TTBK2: variants seen among roughly 807,000 people sequenced by gnomAD.
TTBK2 encodes the protein tau tubulin kinase 2, also known as tau-tubulin kinase 2.
TTBK2 carries 28 observed loss-of-function variants against 110.8 expected under a neutral mutation model. That is an observed-to-expected ratio of 0.25 (90% confidence interval 0.19 to 0.35). The LOEUF (loss-of-function observed/expected upper bound fraction) is 0.35. TTBK2 is among the 10% of genes least tolerant of loss of function. The pLI is 1.00. For missense variants in TTBK2, 1,369 were observed against 1,500.3 expected, an observed-to-expected ratio of 0.91 and a Z score of 1.45; for synonymous variants, 532 against 527.3, an observed-to-expected ratio of 1.01 and a Z score of -0.12.
chr15:42,828,586 G>A (rs371248572), intron 5 of TTBK2, among the ~76,000 whole-genome samples: 1 of 151,742 alleles, frequency 6.6e-6, no homozygotes, highest in African/African-American at 2.4e-5. Flanking sequence ...AACCGGGTGC[G>A]GTGGCGCGCG....
chr15:42,776,946 G>T, intron 12 of TTBK2, 85 bp downstream of exon 12: 3 of 1,435,786 alleles, frequency 2.1e-6, no homozygotes, highest in Non-Finnish European at 2.9e-6. Context: ...TTATGTAACA[G>T]AAATATACAA....
chr15:42,887,105 A>G (rs573735520), intron 1 of TTBK2, among the ~76,000 whole-genome samples: 1 of 152,288 alleles, frequency 6.6e-6, no homozygotes, highest in South Asian at 2.1e-4. Flanking sequence ...CCTTGCCTTC[A>G]TAAGTGTTGT....
rs555495106 is a variant in TTBK2 at position 42,747,631 on chromosome 15, C to T, written c.3273-1374G>A. ...ATGCCACTGCTGATCTGATAGGAGG[C>T]GGAGCTCAGGCGGTAATGCCTCCTG... On this transcript the variant is annotated intron_variant, in intron 14 of 14. Coordinates refer to ENST00000267890, the MANE Select transcript of TTBK2 (RefSeq NM_173500.4). Among the ~76,000 whole-genome samples, 166 of 152,296 alleles carry T rather than the reference C, an allele frequency of 1.1e-3. 3 individuals carry two copies. The highest frequency in any genetic ancestry group is 1.6e-4 in the Non-Finnish European group (11 of 68,030).
intron 13 of TTBK2, among the ~76,000 whole-genome samples, chr15:42,767,001 A>G (rs1393148406): frequency 3.3e-5 from 5 of 152,224 alleles, no homozygotes; most frequent in African/African-American, 1.2e-4. Flanking sequence ...GCACAACTAC[A>G]TGGAAACTGA....
At chr15:42,812,829 G>A (rs900160650) in intron 7 of TTBK2, among the ~76,000 whole-genome samples, 8 of 151,394 alleles carry the variant, frequency 5.3e-5, no homozygotes, top group Admixed American at 4.0e-4. Context: ...AATAAAAAGC[G>A]CAATTATAGA....
At chr15:42,841,645 CGGGTAGACCACAA>C (rs1893225131) in intron 3 of TTBK2, among the ~76,000 whole-genome samples, 1 of 152,014 alleles carries the variant, frequency 6.6e-6, no homozygotes, top group Non-Finnish European at 1.5e-5. Context: ...GGCAATGAGG[CGGGTAGACCACAA>C]GGGTGTCAAT....
intron 12 of TTBK2, among the ~76,000 whole-genome samples, chr15:42,776,745 A>G (rs1247775442): frequency 5.3e-5 from 8 of 152,228 alleles, no homozygotes; most frequent in African/African-American, 9.7e-5. Flanking sequence ...TACTGTAAAA[A>G]TGTTCATTTA....
intron 2 of TTBK2, among the ~76,000 whole-genome samples, chr15:42,877,643 T>C (rs568081831): frequency 6.6e-6 from 1 of 152,296 alleles, no homozygotes; most frequent in South Asian, 2.1e-4. Flanking sequence ...TATTTGGTAA[T>C]ATTAAGAAAT....
chr15:42,858,135 C>G (rs1894017501), intron 3 of TTBK2, among the ~76,000 whole-genome samples: 1 of 152,088 alleles, frequency 6.6e-6, no homozygotes, highest in Non-Finnish European at 1.5e-5. Context: ...TTCACAAAAT[C>G]ACCAATCATC....
intron 5 of TTBK2, among the ~76,000 whole-genome samples, chr15:42,828,630 G>A (rs1021680331): frequency 1.3e-5 from 2 of 151,674 alleles, no homozygotes; most frequent in African/African-American, 4.8e-5. Flanking sequence ...AGCTGAGGCA[G>A]GAGAATTGCT....
chr15:42,781,950 A>T (rs1319855502), intron 11 of TTBK2, among the ~76,000 whole-genome samples: 1 of 152,144 alleles, frequency 6.6e-6, no homozygotes, highest in Non-Finnish European at 1.5e-5. Flanking sequence ...ATATATATGA[A>T]ATCTTTTATA....
chr15:42,745,261 TA>T lies in TTBK2; in HGVS notation c.*533del. The T allele has an allele frequency of 6.0e-6, 1 of 167,366 alleles. No homozygotes were observed. The highest frequency in any genetic ancestry group is 1.6e-4 in the East Asian group (1 of 6,182). The allele number at this position is 167,366 out of a possible 1,614,324, so 10.4% of individuals were successfully genotyped here. ...GGAGGGTACTAGGAATGAGGCAAAG[TA>T]AAGGTGTTCATTCTCAATACACGAA... On this transcript the variant is annotated 3_prime_UTR_variant, in exon 15 of 15. Transcript: ENST00000267890.
intron 1 of TTBK2, among the ~76,000 whole-genome samples, chr15:42,904,415 C>A (rs1009594296): frequency 2.0e-5 from 3 of 151,716 alleles, no homozygotes; most frequent in Admixed American, 6.6e-5. Flanking sequence ...GTAAGATTTA[C>A]AATAAAAAAA....
chr15:42,754,702 C>T (rs1188181206), intron 13 of TTBK2, among the ~76,000 whole-genome samples: 3 of 143,652 alleles, frequency 2.1e-5, no homozygotes, highest in Non-Finnish European at 4.6e-5. Context: ...CAGCCCACAC[C>T]TGACCAATTT....
At chr15:42,889,507 A>G (rs949250234) in intron 1 of TTBK2, among the ~76,000 whole-genome samples, 1 of 152,154 alleles carries the variant, frequency 6.6e-6, no homozygotes, top group Admixed American at 6.5e-5. Context: ...ACCGTCCTCA[A>G]TCTTCAGGAA....
At chr15:42,770,668 A>C (rs1259280934) in intron 13 of TTBK2, among the ~76,000 whole-genome samples, 3 of 152,252 alleles carry the variant, frequency 2.0e-5, no homozygotes, top group Non-Finnish European at 2.9e-5. Flanking sequence ...TTCCAGATCA[A>C]AAATAGGAAT....
intron 14 of TTBK2, among the ~76,000 whole-genome samples, chr15:42,749,514 C>T (rs1219986730): frequency 6.6e-6 from 1 of 152,236 alleles, no homozygotes; most frequent in Non-Finnish European, 1.5e-5. Context: ...AGTGTGCACA[C>T]AGCTTACAAG....
At chr15:42,856,711 A>AT (rs1181101988) in intron 3 of TTBK2, among the ~76,000 whole-genome samples, 4 of 152,018 alleles carry the variant, frequency 2.6e-5, no homozygotes, top group Admixed American at 1.3e-4. Context: ...TTAAAAAAAA[A>AT]TTTTTTTTAT....
chr15:42,911,498 T>C (rs369662194), intron 1 of TTBK2, among the ~76,000 whole-genome samples: 1 of 152,216 alleles, frequency 6.6e-6, no homozygotes, highest in Non-Finnish European at 1.5e-5. Context: ...GGGTTGGCCA[T>C]GTGATTTGTT....
Sources: allele counts gnomAD v4.1 joint callset (sites outside exome capture counted in the v4.1 genomes callset), GRCh38; gene constraint gnomAD v4.1.1; transcripts MANE v1.5; gene names NCBI Gene and HGNC (gene_info 2026-07-23, HGNC 2026-07-21).